The following ADAMTSL3 variants were observed in gnomAD, a reference collection of about 807,000 sequenced individuals.
ADAMTSL3 encodes ADAMTS like 3, also known as ADAMTS-like protein 3.
A neutral mutation model predicts 201.7 loss-of-function variants in ADAMTSL3; 128 were observed. That is an observed-to-expected ratio of 0.63 (90% CI 0.55 to 0.73). The LOEUF (loss-of-function observed/expected upper bound fraction) is 0.73, where lower values mean the gene tolerates loss of function less well. ADAMTSL3 is among the 30% of genes least tolerant of loss of function. The pLI, the probability that ADAMTSL3 is intolerant of heterozygous loss-of-function variation, is 0.00. For missense variants in ADAMTSL3, 1,990 were observed against 2,119.6 expected (o/e 0.94, Z 1.20); for synonymous variants, 738 against 748.4 (o/e 0.99, Z 0.23).
At chr15:83,756,034 T>C (rs940871781) in intron 3 of ADAMTSL3, among the ~76,000 whole-genome samples, 1 of 152,218 alleles carries the variant, frequency 6.6e-6, no homozygotes, top group Admixed American at 6.5e-5. Context: ...GTGCTGGGAT[T>C]ACAGGCATGA....
Position 83,838,231 on chromosome 15 carries a change from A to T in ADAMTSL3, c.727+16A>T, listed in dbSNP as rs372589389. The T allele has an allele frequency of 2.5e-6, 4 of 1,610,358 alleles. No homozygotes were observed. The African/African-American group carries it at 5.4e-5, about 22-fold the overall frequency. On this transcript the variant is annotated intron_variant, in intron 7 of 29. Transcript: ENST00000286744. ...CCTGAAAAAAGTAGGTTTTAAACCC[A>T]ATACGTTATTACCATCATACAAGAT...
chr15:83,734,742 T>A (rs757035708), intron 3 of ADAMTSL3, among the ~76,000 whole-genome samples: 4 of 152,202 alleles, frequency 2.6e-5, no homozygotes, highest in Non-Finnish European at 5.9e-5. Flanking sequence ...AATTTCCTTT[T>A]TAGACCCCAG....
intron 3 of ADAMTSL3, among the ~76,000 whole-genome samples, chr15:83,705,080 T>C (rs569730007): frequency 7.9e-5 from 12 of 152,254 alleles, no homozygotes; most frequent in African/African-American, 2.6e-4. Context: ...GAAGTTGTGA[T>C]TCCCTTCCAT....
chr15:83,704,537 T>A (rs567708844), intron 3 of ADAMTSL3, 29 bp downstream of exon 3: 1 of 1,608,992 alleles, frequency 6.2e-7, no homozygotes, highest in South Asian at 1.1e-5. Context: ...GATCTACCTT[T>A]GGCTTTGCTG....
At chr15:83,711,476 A>G (rs1282511507) in intron 3 of ADAMTSL3, among the ~76,000 whole-genome samples, 1 of 152,248 alleles carries the variant, frequency 6.6e-6, no homozygotes, top group Non-Finnish European at 1.5e-5. Context: ...TGTGTGTATA[A>G]TATTTTTAAG....
chr15:83,755,897 A>G (rs1567122976), intron 3 of ADAMTSL3, among the ~76,000 whole-genome samples: 1 of 152,112 alleles, frequency 6.6e-6, no homozygotes, highest in African/African-American at 2.4e-5. Flanking sequence ...AGTAGCTGGG[A>G]CTACAGGCGC....
chr15:83,797,879 T>C (rs1436939858), intron 4 of ADAMTSL3, among the ~76,000 whole-genome samples: 1 of 152,154 alleles, frequency 6.6e-6, no homozygotes, highest in Non-Finnish European at 1.5e-5. Context: ...AGATTGCTCA[T>C]TGCAGAACTG....
chr15:83,806,961 A>G (rs757124534), intron 5 of ADAMTSL3, among the ~76,000 whole-genome samples: 27 of 152,244 alleles, frequency 1.8e-4, no homozygotes, highest in Non-Finnish European at 4.0e-4. Flanking sequence ...AACTCCAAAG[A>G]AAAGGAAACT....
At chr15:83,965,003 ACAAG>A (rs2067051277) in intron 19 of ADAMTSL3, among the ~76,000 whole-genome samples, 1 of 152,334 alleles carries the variant, frequency 6.6e-6, no homozygotes, top group South Asian at 2.1e-4. Flanking sequence ...GGCCTGCCTT[ACAAG>A]AGCTCCTGAA....
chr15:83,850,632 T>G (rs2064593371), intron 7 of ADAMTSL3, among the ~76,000 whole-genome samples: 1 of 152,168 alleles, frequency 6.6e-6, no homozygotes, highest in South Asian at 2.1e-4. Context: ...TCTCTAATTT[T>G]TCATCATCAA....
intron 17 of ADAMTSL3, among the ~76,000 whole-genome samples, chr15:83,939,642 G>A (rs572704361): frequency 7.4e-6 from 1 of 134,620 alleles, no homozygotes. Flanking sequence ...TTTTTTTTTA[G>A]ACAGAGTCTT....
At chr15:83,791,815 C>T (rs1040222465) in intron 4 of ADAMTSL3, among the ~76,000 whole-genome samples, 2 of 150,732 alleles carry the variant, frequency 1.3e-5, no homozygotes, top group African/African-American at 4.9e-5. Flanking sequence ...AGCTGAGATG[C>T]GCCACTGCAC....
intron 17 of ADAMTSL3, among the ~76,000 whole-genome samples, chr15:83,929,849 G>A (rs776085478): frequency 1.3e-4 from 19 of 151,828 alleles, no homozygotes; most frequent in Non-Finnish European, 1.9e-4. Flanking sequence ...AGTAAATTAT[G>A]CACCATGACC....
chr15:84,010,819 T>C (rs1462374008), intron 23 of ADAMTSL3, among the ~76,000 whole-genome samples: 1 of 152,222 alleles, frequency 6.6e-6, no homozygotes, highest in Non-Finnish European at 1.5e-5. Flanking sequence ...AACAAGGCAC[T>C]ATACCATGAA....
chr15:83,800,002 A>G (rs528548852), intron 4 of ADAMTSL3, among the ~76,000 whole-genome samples: 116 of 152,128 alleles, frequency 7.6e-4, no homozygotes, highest in Admixed American at 2.0e-3. Flanking sequence ...TTTCATTTTC[A>G]TACTAAATTG....
At chr15:83,751,631 A>G (rs946560144) in intron 3 of ADAMTSL3, among the ~76,000 whole-genome samples, 1 of 152,148 alleles carries the variant, frequency 6.6e-6, no homozygotes, top group Non-Finnish European at 1.5e-5. Flanking sequence ...TGGTATGGAG[A>G]TGTGGTGACT....
chr15:83,903,640 G>A (rs1008924128), intron 15 of ADAMTSL3, among the ~76,000 whole-genome samples: 2 of 151,744 alleles, frequency 1.3e-5, no homozygotes, highest in East Asian at 1.9e-4. Flanking sequence ...GATATCAGCC[G>A]GGCGCAGTGG....
intron 6 of ADAMTSL3, 38 bp from the exon 7 acceptor site, chr15:83,838,051 G>T (rs770165697): frequency 1.9e-6 from 3 of 1,589,054 alleles, no homozygotes; most frequent in Non-Finnish European, 2.6e-6. Context: ...CCCTCCCCTG[G>T]CTTTGGGCAC....
At chr15:83,974,651 T>C (rs1175306153) in intron 20 of ADAMTSL3, among the ~76,000 whole-genome samples, 1 of 152,204 alleles carries the variant, frequency 6.6e-6, no homozygotes, top group Non-Finnish European at 1.5e-5. Flanking sequence ...GACATTCTTT[T>C]TAAATATGTT....
Sources: allele counts gnomAD v4.1 joint callset (sites outside exome capture counted in the v4.1 genomes callset), GRCh38; gene constraint gnomAD v4.1.1; transcripts MANE v1.5; gene names NCBI Gene and HGNC (gene_info 2026-07-23, HGNC 2026-07-21).